The following OR3A2 variants were observed in gnomAD, a reference collection of about 807,000 sequenced individuals.
OR3A2 encodes the protein olfactory receptor 3A2.
For synonymous variants in OR3A2, 126 were observed against 159.3 expected, an observed-to-expected ratio of 0.79 and a Z score of 1.57; for missense variants, 318 against 392.8, an observed-to-expected ratio of 0.81 and a Z score of 1.61.
chr17:3,361,715 C>T (rs1034924558), intron 2 of OR3A2, among the ~76,000 whole-genome samples: 3 of 151,576 alleles, frequency 2.0e-5, no homozygotes, highest in African/African-American at 7.3e-5. Flanking sequence ...TGCTGGATTA[C>T]ATTTATTGAT....
chr17:3,311,269 G>A lies in OR3A2; in HGVS notation c.-85+24764C>T. The A allele has an allele frequency of 1.9e-6, 1 of 535,006 alleles. No individual in the cohort carries two copies. The allele number at this position is 535,006 out of a possible 1,614,324, so 33.1% of individuals were successfully genotyped here. A position where few individuals can be genotyped will look rare whatever the true frequency, so the allele number is the denominator to read the frequency against. ...GTGTCTCCAGGCCCACCAGTGCAGA[G>A]TTCCCTATGCTGCCTGCAGTTCACA... On this transcript the variant is annotated intron_variant, in intron 3 of 4. Transcript: ENST00000573491. The surrounding 1 kb of genome is among the most constrained non-coding windows in gnomAD (Gnocchi z 4.6).
intron 1 of OR3A2, among the ~76,000 whole-genome samples, chr17:3,282,154 C>G (rs1040642056): frequency 6.6e-6 from 1 of 152,268 alleles, no homozygotes; most frequent in South Asian, 2.1e-4. Context: ...GTGGCTCACA[C>G]CTGTAATCCC....
At chr17:3,280,245 G>A (rs968746643) in intron 1 of OR3A2, among the ~76,000 whole-genome samples, 1 of 151,658 alleles carries the variant, frequency 6.6e-6, no homozygotes, top group African/African-American at 2.4e-5. Context: ...GCATGTACTT[G>A]GAAAACCACG....
At chr17:3,374,860 C>T (rs1284227362) in intron 2 of OR3A2, among the ~76,000 whole-genome samples, 1 of 152,116 alleles carries the variant, frequency 6.6e-6, no homozygotes, top group Non-Finnish European at 1.5e-5. Flanking sequence ...CCTCACTCCC[C>T]TCCCACCCTT....
At chr17:3,364,293 G>C (rs1395673002) in intron 2 of OR3A2, among the ~76,000 whole-genome samples, 3 of 152,136 alleles carry the variant, frequency 2.0e-5, no homozygotes, top group Non-Finnish European at 4.4e-5. Context: ...ATTATGGAAT[G>C]ATCAAATCAG....
At chr17:3,293,562 C>A (rs1286275969) in intron 3 of OR3A2, among the ~76,000 whole-genome samples, 3 of 151,952 alleles carry the variant, frequency 2.0e-5, no homozygotes, top group Admixed American at 2.0e-4. Context: ...TAAAACAAAC[C>A]TGCACATCAT....
intron 3 of OR3A2, among the ~76,000 whole-genome samples, chr17:3,305,415 A>C (rs1178062313): frequency 6.6e-6 from 1 of 152,234 alleles, no homozygotes; most frequent in African/African-American, 2.4e-5. Flanking sequence ...CCTTATATAA[A>C]ATATAACTGA....
At chr17:3,385,598 C>T (rs1490320199) in intron 1 of OR3A2, among the ~76,000 whole-genome samples, 2 of 152,074 alleles carry the variant, frequency 1.3e-5, no homozygotes, top group African/African-American at 4.8e-5. Context: ...TAATATTTTC[C>T]TCATTAAAGA....
At chr17:3,339,100 T>G (rs437562) in intron 2 of OR3A2, among the ~76,000 whole-genome samples, 1 of 151,902 alleles carries the variant, frequency 6.6e-6, no homozygotes, top group South Asian at 2.1e-4. Context: ...ATGCTTATGA[T>G]TTTTGCACAT....
intron 2 of OR3A2, among the ~76,000 whole-genome samples, chr17:3,365,033 G>A (rs898218491): frequency 2.6e-5 from 4 of 152,054 alleles, no homozygotes; most frequent in African/African-American, 9.7e-5. Context: ...CTAAGAAATG[G>A]TCTAATGATG....
intron 2 of OR3A2, among the ~76,000 whole-genome samples, chr17:3,377,084 CAG>C (rs1478987932): frequency 6.6e-6 from 1 of 152,168 alleles, no homozygotes; most frequent in Admixed American, 6.5e-5. Flanking sequence ...AGCTGCCTTG[CAG>C]AGTTTGCAGC....
intron 2 of OR3A2, among the ~76,000 whole-genome samples, chr17:3,378,315 T>G (rs1465089118): frequency 1.3e-5 from 2 of 152,198 alleles, no homozygotes; most frequent in Admixed American, 6.5e-5. Flanking sequence ...AGCAGGGGGC[T>G]GGCACGTCAG....
At position 3,375,218 on chromosome 17, in the gene OR3A2, C is replaced by CT. The variant is rs1161264007; in HGVS notation, c.-179+8585dup. On this transcript the variant is annotated intron_variant, in intron 2 of 4. Coordinates refer to the OR3A2 transcript ENST00000573491. ...TTGCCCAGGCTTGAGAGATTTCTTC[C>CT]TTTTTTTTTTTCTTTTTTTTTTTTT... Among the ~76,000 whole-genome samples, 20 of 27,090 alleles carry CT rather than the reference C, an allele frequency of 7.4e-4. 1 individual carries two copies. Among genetic ancestry groups the CT allele is most frequent in the African/African-American group, 1.2e-3 (7 of 5,800 alleles). 17.8% of individuals were successfully genotyped at this position (27,090 alleles called of 152,430 possible).
chr17:3,322,106 T>G (rs1006464300), intron 3 of OR3A2, among the ~76,000 whole-genome samples: 3 of 152,166 alleles, frequency 2.0e-5, no homozygotes, highest in African/African-American at 7.2e-5. Context: ...CTTGGGAGGA[T>G]GTACGTGTCG....
intron 3 of OR3A2, among the ~76,000 whole-genome samples, chr17:3,321,129 C>A (rs1305389880): frequency 6.6e-6 from 1 of 151,822 alleles, no homozygotes; most frequent in African/African-American, 2.4e-5. Flanking sequence ...GTATTTTATT[C>A]TCTTTGAAGC....
chr17:3,382,881 C>G (rs1272032893), intron 2 of OR3A2, among the ~76,000 whole-genome samples: 1 of 152,136 alleles, frequency 6.6e-6, no homozygotes, highest in Non-Finnish European at 1.5e-5. Flanking sequence ...TTGTGCCTAG[C>G]TGGAGGTCAA....
intron 3 of OR3A2, among the ~76,000 whole-genome samples, chr17:3,322,595 G>C (rs1158118319): frequency 6.6e-6 from 1 of 152,154 alleles, no homozygotes; most frequent in Admixed American, 6.5e-5. Flanking sequence ...TGGTTTCAAA[G>C]AACATCTTTA....
intron 3 of OR3A2, among the ~76,000 whole-genome samples, chr17:3,304,363 G>A (rs986790471): frequency 4.6e-5 from 7 of 152,166 alleles, no homozygotes; most frequent in Admixed American, 2.0e-4. Context: ...AATTCGTGCT[G>A]CCACAGCCAG....
chr17:3,381,629 T>C (rs929111802), intron 2 of OR3A2, among the ~76,000 whole-genome samples: 3 of 152,190 alleles, frequency 2.0e-5, no homozygotes, highest in Non-Finnish European at 4.4e-5. Context: ...ACTGTGAGGA[T>C]GGTATTTTTA....
Sources: gnomAD v4.1 joint callset for allele counts (sites outside exome capture counted in the v4.1 genomes callset) on GRCh38, gnomAD v4.1.1 for gene constraint, Gnocchi (gnomAD v3.1) non-coding constraint, MANE v1.5 for transcripts, NCBI Gene and HGNC (gene_info 2026-07-23, HGNC 2026-07-21) for gene names.